ABCA8: variants seen among roughly 807,000 people sequenced by gnomAD.
ABCA8 encodes the protein ABC-type organic anion transporter ABCA8.
ABCA8 carries 177 observed loss-of-function variants against 192.3 expected under a neutral mutation model. The ratio of observed to expected loss-of-function variants is 0.92; its 90% CI spans 0.81 to 1.04. The LOEUF (loss-of-function observed/expected upper bound fraction) is 1.04, where lower values mean the gene tolerates loss of function less well. Among genes scored for constraint, ABCA8 ranks in the 50% least tolerant of loss-of-function variants. ABCA8 has a pLI of 0.00. For missense variants in ABCA8, 1,915 were observed against 1,904.8 expected (o/e 1.01, Z -0.10); for synonymous variants, 642 against 690.2 (o/e 0.93, Z 1.09).
rs149273243 is a variant in ABCA8, at chr17:68,904,848, C to T, written c.2398+1196G>A. On this transcript the variant is annotated intron_variant, in intron 19 of 39. Transcript: ENST00000586539. ...TCCTTTTGTGTAATACATGAGTCCA[C>T]TAGGGTCCAGTCACTGAATGAGGAG... 3.3e-5 allele frequency among the ~76,000 whole-genome samples: 5 copies of T among 152,236 alleles called. No homozygotes were observed. In the East Asian group the frequency reaches 5.8e-4, roughly 18 times the overall value.
rs755574485 is a variant in ABCA8, at chr17:68,955,245, T to C, written c.-193A>G. The C allele has an allele frequency of 2.0e-5, 3 of 152,306 alleles. No individual in the cohort carries two copies. The highest frequency in any genetic ancestry group is 4.4e-5 in the Non-Finnish European group (3 of 68,026). 9.4% of individuals were successfully genotyped at this position (152,306 alleles called of 1,614,324 possible). A position where few individuals can be genotyped will look rare whatever the true frequency, so the allele number is the denominator to read the frequency against. On this transcript the variant is annotated 5_prime_UTR_variant, in exon 1 of 40. Transcript: ENST00000586539. The stretch of plus-strand genomic sequence containing the variant: ...TCTGGGAAAATGGAAGCAAGGAATC[T>C]AGAGGTATGGTTTATCCACTGAGCT...
chr17:68,929,366 T>C (rs1322575969), intron 8 of ABCA8, 132 bp from the exon 9 acceptor site: 2 of 1,047,630 alleles, frequency 1.9e-6, no homozygotes, highest in East Asian at 5.2e-5. Flanking sequence ...GTATATAACA[T>C]ACAAAACTAT....
intron 1 of ABCA8, among the ~76,000 whole-genome samples, chr17:68,951,549 C>T (rs1363205852): frequency 6.6e-6 from 1 of 152,190 alleles, no homozygotes; most frequent in East Asian, 1.9e-4. Context: ...TCAATCATTT[C>T]ATAATAGAGT....
At chr17:68,882,527 G>A (rs1425954482) in intron 30 of ABCA8, 72 bp downstream of exon 30, 3 of 1,402,600 alleles carry the variant, frequency 2.1e-6, no homozygotes, top group East Asian at 2.3e-5. Context: ...GTAAGGAACA[G>A]AGAAACTCAA....
In ABCA8 at chr17:68,918,930, CAAAAA is replaced by C. The variant is rs34377045; in HGVS notation, c.1788+366_1788+370del. Among the ~76,000 whole-genome samples the C allele has an allele frequency of 6.6e-3, 301 of 45,944 alleles. 4 individuals are homozygous for C. The highest frequency in any genetic ancestry group is 0.022 in the African/African-American group (286 of 13,022). 30.1% of individuals were successfully genotyped at this position (45,944 alleles called of 152,430 possible). ...GGGCGACAAGAGCAAAACTCTGTCTCAAAAAAAAAAAAAAAAAAAAAAAAAGAACA... is the reference window on the plus strand; with the variant it reads ...GGGCGACAAGAGCAAAACTCTGTCTCAAAAAAAAAAAAAAAAAAAAGAACA... On this transcript the variant is annotated intron_variant, in intron 14 of 39. Transcript: ENST00000586539.
chr17:68,906,217 A>C, intron 18 of ABCA8, 54 bp from the exon 19 acceptor site: 1 of 1,375,588 alleles, frequency 7.3e-7, no homozygotes, highest in Non-Finnish European at 9.5e-7. Flanking sequence ...AGTGAACTGA[A>C]GACAATTTTT....
intron 18 of ABCA8, 110 bp downstream of exon 18, chr17:68,907,630 G>T: frequency 1.0e-6 from 1 of 970,880 alleles, no homozygotes; most frequent in Non-Finnish European, 1.4e-6. Context: ...TTATGTTTCA[G>T]TACCTGAGCA....
chr17:68,880,463 C>T (rs1339364936), intron 32 of ABCA8, among the ~76,000 whole-genome samples: 2 of 152,186 alleles, frequency 1.3e-5, no homozygotes, highest in East Asian at 3.9e-4. Flanking sequence ...ATGCCCCCCA[C>T]TTGCCATGTT....
intron 18 of ABCA8, among the ~76,000 whole-genome samples, 162 bp downstream of exon 18, chr17:68,907,578 C>T (rs779713931): frequency 4.7e-4 from 71 of 152,224 alleles, no homozygotes; most frequent in Non-Finnish European, 9.0e-4. Flanking sequence ...TTCTATTTCC[C>T]ACTATACAGA....
At chr17:68,882,508 T>C (rs752029952) in intron 30 of ABCA8, 91 bp downstream of exon 30, 106 of 1,182,008 alleles carry the variant, frequency 9.0e-5, no homozygotes, top group Non-Finnish European at 1.2e-4. Context: ...AAAATAGTGA[T>C]CCTCATTTGT....
Position 68,921,128 on chromosome 17 carries a change from C to G in ABCA8, c.1612+254G>C, listed in dbSNP as rs1361659729. Among the ~76,000 whole-genome samples, 2 of 151,942 alleles carry G rather than the reference C, an allele frequency of 1.3e-5. 1 individual carries two copies. The highest frequency in any genetic ancestry group is 3.9e-4 in the East Asian group (2 of 5,184). ...AAAAACCAAACGCCGCATGTTCTCA[C>G]TCATAGGTGGGAATTGAACAATGAG... On this transcript the variant is annotated intron_variant, in intron 13 of 39. Transcript: ENST00000586539.
Position 68,891,128 on chromosome 17 carries a change from T to A in ABCA8, c.3144+361A>T, listed in dbSNP as rs149727243. On this transcript the variant is annotated intron_variant, in intron 24 of 39. Coordinates refer to ENST00000586539, the MANE Select transcript of ABCA8 (RefSeq NM_001288985.2). ...TATGTGTGGGTTTATTTCTGAAATG[T>A]CTATTTCATTTAAAATATCTACATA... 4.3e-3 allele frequency among the ~76,000 whole-genome samples: 651 copies of A among 152,324 alleles called. 6 individuals are homozygous for A. Among genetic ancestry groups the A allele is most frequent in the African/African-American group, 0.015 (605 of 41,570 alleles).
intron 2 of ABCA8, among the ~76,000 whole-genome samples, chr17:68,948,702 G>A (rs969075287): frequency 1.3e-5 from 2 of 152,122 alleles, no homozygotes; most frequent in Non-Finnish European, 2.9e-5. Context: ...GCCTGTTCAC[G>A]CTGATGATAG....
At chr17:68,895,645 T>C (rs1227788514) in intron 21 of ABCA8, among the ~76,000 whole-genome samples, 1 of 152,276 alleles carries the variant, frequency 6.6e-6, no homozygotes, top group South Asian at 2.1e-4. Flanking sequence ...ATCTGTGTAA[T>C]AGAAGCTTCA....
chr17:68,952,714 T>G (rs943279804), intron 1 of ABCA8, among the ~76,000 whole-genome samples: 5 of 152,104 alleles, frequency 3.3e-5, no homozygotes, highest in Admixed American at 3.3e-4. Flanking sequence ...TGTGAAAATA[T>G]CCCATGGATT....
At chr17:68,872,968 C>A (rs1471472282) in intron 37 of ABCA8, among the ~76,000 whole-genome samples, 1 of 152,112 alleles carries the variant, frequency 6.6e-6, no homozygotes, top group South Asian at 2.1e-4. Flanking sequence ...AGTTACAGAA[C>A]ACTAAGGTTA....
intron 21 of ABCA8, among the ~76,000 whole-genome samples, chr17:68,896,062 G>A (rs2143427703): frequency 6.6e-6 from 1 of 152,238 alleles, no homozygotes; most frequent in Non-Finnish European, 1.5e-5. Flanking sequence ...GCAATGGTGA[G>A]ATTCTTGTTT....
At chr17:68,938,142 G>T (rs2068121901) in intron 4 of ABCA8, among the ~76,000 whole-genome samples, 1 of 152,108 alleles carries the variant, frequency 6.6e-6, no homozygotes, top group South Asian at 2.1e-4. Flanking sequence ...TTATAATCTT[G>T]AATCAGAAGT....
chr17:68,944,339 T>C (rs892502286), intron 2 of ABCA8, among the ~76,000 whole-genome samples: 1 of 75,554 alleles, frequency 1.3e-5, no homozygotes, highest in South Asian at 6.5e-4. Flanking sequence ...TATATATATA[T>C]ATATATATAT....
Sources: gnomAD v4.1 joint callset for allele counts (sites outside exome capture counted in the v4.1 genomes callset) on GRCh38, gnomAD v4.1.1 for gene constraint, MANE v1.5 for transcripts, NCBI Gene and HGNC (gene_info 2026-07-23, HGNC 2026-07-21) for gene names.